The following AGPAT4 variants were observed in gnomAD, a reference collection of about 807,000 sequenced individuals.
AGPAT4 encodes 1-acylglycerol-3-phosphate O-acyltransferase 4, also known as 1-acyl-sn-glycerol-3-phosphate acyltransferase delta.
Under a neutral mutation model 48.0 loss-of-function variants are expected in AGPAT4, and 15 were observed. The ratio of observed to expected loss-of-function variants is 0.31; its 90% CI spans 0.21 to 0.48. AGPAT4 has a LOEUF of 0.48. Ranked by LOEUF, AGPAT4 falls within the 20% of genes least tolerant of loss-of-function variation. AGPAT4 has a pLI of 0.99. For synonymous variants in AGPAT4, 178 were observed against 198.7 expected (o/e 0.90, Z 0.88); for missense variants, 314 against 482.5 (o/e 0.65, Z 3.27).
At chr6:161,273,602 G>C (rs1261602489) in intron 1 of AGPAT4, among the ~76,000 whole-genome samples, 3 of 152,040 alleles carry the variant, frequency 2.0e-5, no homozygotes, top group African/African-American at 7.2e-5. Context: ...GTCTATAGCA[G>C]AGAAAATGCT....
intron 2 of AGPAT4, among the ~76,000 whole-genome samples, chr6:161,170,430 C>G (rs1780230951): frequency 6.6e-6 from 1 of 151,604 alleles, no homozygotes; most frequent in African/African-American, 2.4e-5. Context: ...ATAGTTTTTT[C>G]CCCTAGGCAT....
rs1380849005 is a variant in AGPAT4 at position 161,142,605 on chromosome 6, C to T, written c.844-2985G>A. ...GAAGCGTGCGAAGGAGACGTCCACACAGCACGTCCGCTCAGCTTTCCCAGG... is the reference window on the plus strand; with the variant it reads ...GAAGCGTGCGAAGGAGACGTCCACATAGCACGTCCGCTCAGCTTTCCCAGG... On this transcript the variant is annotated intron_variant, in intron 7 of 8. Transcript: ENST00000320285. This position sits in a 1 kb window ranked among gnomAD's most constrained non-coding sequence, Gnocchi z 6.4. Among the ~76,000 whole-genome samples the T allele has an allele frequency of 1.3e-5, 2 of 152,174 alleles. No homozygotes were observed. Among genetic ancestry groups the T allele is most frequent in the African/African-American group, 2.4e-5 (1 of 41,436 alleles).
At chr6:161,179,771 A>G (rs560817471) in intron 2 of AGPAT4, among the ~76,000 whole-genome samples, 67 of 152,244 alleles carry the variant, frequency 4.4e-4, no homozygotes, top group Middle Eastern at 3.4e-3. Flanking sequence ...TCTCTTTTTG[A>G]TGATTTGCTT....
At chr6:161,239,829 T>A (rs1782430839) in intron 1 of AGPAT4, among the ~76,000 whole-genome samples, 1 of 152,208 alleles carries the variant, frequency 6.6e-6, no homozygotes, top group African/African-American at 2.4e-5. Flanking sequence ...AAATCCATCT[T>A]TTTAGTAAGC....
intron 2 of AGPAT4, among the ~76,000 whole-genome samples, chr6:161,185,143 A>T (rs1394326231): frequency 2.4e-4 from 7 of 28,692 alleles, no homozygotes; most frequent in African/African-American, 4.6e-4. Flanking sequence ...CCAAATGTTT[A>T]AAAAAAAAAA....
At chr6:161,250,600 G>C (rs563465942) in intron 1 of AGPAT4, among the ~76,000 whole-genome samples, 1 of 149,908 alleles carries the variant, frequency 6.7e-6, no homozygotes, top group Non-Finnish European at 1.5e-5. Context: ...CCTGAATTTT[G>C]GGTTATTTCT....
chr6:161,162,399 G>GCT (rs752350738), intron 3 of AGPAT4, among the ~76,000 whole-genome samples: 21 of 152,038 alleles, frequency 1.4e-4, no homozygotes, highest in Admixed American at 2.6e-4. Flanking sequence ...CCGGGCGCCC[G>GCT]CTCTCTCTCT....
In AGPAT4 at chr6:161,244,321, C is replaced by T. The variant is rs955931334; in HGVS notation, c.-89-12019G>A. On this transcript the variant is annotated intron_variant, in intron 1 of 8. Coordinates refer to ENST00000320285, the MANE Select transcript of AGPAT4 (RefSeq NM_020133.3). The surrounding 1 kb of genome is among the most constrained non-coding windows in gnomAD (Gnocchi z 4.7). ...CACCAACGCAGACAGCACGTTCCTA[C>T]ATCACCAGCAAATCATGGCACCAAA... Among the ~76,000 whole-genome samples the T allele has an allele frequency of 1.3e-5, 2 of 152,204 alleles. No individual in the cohort carries two copies. Among genetic ancestry groups the T allele is most frequent in the Non-Finnish European group, 2.9e-5 (2 of 68,028 alleles).
intron 1 of AGPAT4, among the ~76,000 whole-genome samples, chr6:161,237,377 C>T (rs544162485): frequency 1.3e-5 from 2 of 152,316 alleles, no homozygotes; most frequent in East Asian, 1.9e-4. Flanking sequence ...AGTAGGTAAC[C>T]ATCATTAACA....
At chr6:161,168,563 C>A (rs12208953) in intron 2 of AGPAT4, among the ~76,000 whole-genome samples, 1 of 152,070 alleles carries the variant, frequency 6.6e-6, no homozygotes. Context: ...TTTGGTTCAC[C>A]CCGACCTTAG....
chr6:161,207,101 GAGTCTTATGTTTCTACCAA>G (rs1017608133), intron 2 of AGPAT4, among the ~76,000 whole-genome samples: 4 of 152,200 alleles, frequency 2.6e-5, no homozygotes, highest in Non-Finnish European at 4.4e-5. Flanking sequence ...AAGAATTTAA[GAGTCTTATGTTTCTACCAA>G]ATCTTTGTAG....
At position 161,149,372 on chromosome 6, in the gene AGPAT4, T is replaced by A; in HGVS notation, c.665-83A>T. ...TGTAGATACACACATTGGAAGACAA[T>A]AATCAAATGGCTAACTGCTTATCTA... is the stretch of plus-strand genomic sequence containing the variant. On this transcript the variant is annotated intron_variant, in intron 5 of 8. Transcript: ENST00000320285. This position sits in a 1 kb window ranked among gnomAD's most constrained non-coding sequence, Gnocchi z 6.5. 8.3e-7 allele frequency: 1 copy of A among 1,209,018 alleles called. No homozygotes were observed. Among genetic ancestry groups the A allele is most frequent in the Non-Finnish European group, 1.1e-6 (1 of 887,246 alleles). 74.9% of individuals were successfully genotyped at this position (1,209,018 alleles called of 1,614,324 possible).
rs977596066 is a variant in AGPAT4, at chr6:161,259,129, G to T, written c.-90+14809C>A. On this transcript the variant is annotated intron_variant, in intron 1 of 8. Transcript: ENST00000320285. The surrounding 1 kb of genome is among the most constrained non-coding windows in gnomAD (Gnocchi z 4.9). ...TCTTTTCAATTGACAAATAAAAATT[G>T]TACATATTTATGGTGTACAACATAA... Among the ~76,000 whole-genome samples the T allele has an allele frequency of 6.6e-6, 1 of 152,084 alleles. No homozygotes were observed. The highest frequency in any genetic ancestry group is 2.4e-5 in the African/African-American group (1 of 41,416).
intron 2 of AGPAT4, among the ~76,000 whole-genome samples, chr6:161,187,051 G>A (rs921303007): frequency 3.3e-5 from 5 of 152,066 alleles, no homozygotes; most frequent in South Asian, 2.1e-4. Context: ...TAATAACATC[G>A]GCATATTACT....
At chr6:161,175,062 G>A (rs1353264813) in intron 2 of AGPAT4, among the ~76,000 whole-genome samples, 2 of 152,176 alleles carry the variant, frequency 1.3e-5, no homozygotes, top group Non-Finnish European at 2.9e-5. Flanking sequence ...GTATTTTATG[G>A]AGAATTTTTG....
rs138289776 is a variant in AGPAT4 at position 161,178,474 on chromosome 6, G to A, written c.179-12057C>T. Reference sequence around the variant, plus strand: ...TCCTGGTGTGCCATTTGCTAAGACCGTTGGAAAAGCGCAGTATTAGGGTGG... The same window carrying A: ...TCCTGGTGTGCCATTTGCTAAGACCATTGGAAAAGCGCAGTATTAGGGTGG... On this transcript the variant is annotated intron_variant, in intron 2 of 8. Coordinates refer to ENST00000320285, the MANE Select transcript of AGPAT4 (RefSeq NM_020133.3). This position sits in a 1 kb window ranked among gnomAD's most constrained non-coding sequence, Gnocchi z 5.1. Among the ~76,000 whole-genome samples, 1,495 of 152,330 alleles carry A rather than the reference G, an allele frequency of 9.8e-3. 20 individuals carry two copies. The highest frequency in any genetic ancestry group is 0.034 in the African/African-American group (1,429 of 41,578).
rs984913140 is a variant in AGPAT4 at position 161,259,224 on chromosome 6, C to T, written c.-90+14714G>A. On this transcript the variant is annotated intron_variant, in intron 1 of 8. Transcript: ENST00000320285. The surrounding 1 kb of genome is among the most constrained non-coding windows in gnomAD (Gnocchi z 4.9). ...GCTAACGTATCGATCACTTCCCATA[C>T]TTATTTTTCTTATGATGAGAAAGTT... Among the ~76,000 whole-genome samples the T allele has an allele frequency of 2.0e-5, 3 of 152,094 alleles. No homozygotes were observed. The highest frequency in any genetic ancestry group is 2.9e-5 in the Non-Finnish European group (2 of 68,020).
chr6:161,171,591 T>C lies in AGPAT4; in HGVS notation c.179-5174A>G, dbSNP rs1285167459. Among the ~76,000 whole-genome samples the C allele has an allele frequency of 2.6e-5, 4 of 152,186 alleles. No homozygotes were observed. Among genetic ancestry groups the C allele is most frequent in the Non-Finnish European group, 5.9e-5 (4 of 68,034 alleles). On this transcript the variant is annotated intron_variant, in intron 2 of 8. Transcript: ENST00000320285. The surrounding 1 kb of genome is among the most constrained non-coding windows in gnomAD (Gnocchi z 4.4). ...GGCCCCACATCTCAACACTGTTGCA[T>C]TGGGAATTAAATTTCCAGCCGCACA...
In AGPAT4 at chr6:161,134,601, G is replaced by C. The variant is rs1049412452; in HGVS notation, c.*1939C>G. The C allele has an allele frequency of 2.0e-5, 3 of 152,152 alleles. No individual in the cohort carries two copies. The highest frequency in any genetic ancestry group is 4.4e-5 in the Non-Finnish European group (3 of 68,034). The allele number at this position is 152,152 out of a possible 1,614,324, so 9.4% of individuals were successfully genotyped here. ...TGGGGAAATGAGTCAGCAAGGAAAA[G>C]TGTCTCACCCAAATCCTACAGCCGA... On this transcript the variant is annotated 3_prime_UTR_variant, in exon 9 of 9. Transcript: ENST00000320285.
Sources: allele counts gnomAD v4.1 joint callset (sites outside exome capture counted in the v4.1 genomes callset), GRCh38; gene constraint gnomAD v4.1.1; non-coding constraint Gnocchi (gnomAD v3.1); transcripts MANE v1.5; gene names NCBI Gene and HGNC (gene_info 2026-07-23, HGNC 2026-07-21).